ATXN7L1: variants seen among roughly 807,000 people sequenced by gnomAD.
The protein encoded by ATXN7L1 is ataxin 7 like 1.
ATXN7L1 carries 15 observed loss-of-function variants against 70.8 expected under a neutral mutation model. The ratio of observed to expected loss-of-function variants is 0.21; its 90% confidence interval spans 0.14 to 0.33. The LOEUF (loss-of-function observed/expected upper bound fraction) is 0.33, where lower values mean the gene tolerates loss of function less well. Among genes scored for constraint, ATXN7L1 ranks in the 10% least tolerant of loss-of-function variants. The pLI, the probability that ATXN7L1 is intolerant of heterozygous loss-of-function variation, is 1.00. For synonymous variants in ATXN7L1, 440 were observed against 445.1 expected, an observed-to-expected ratio of 0.99 and a Z score of 0.14; for missense variants, 975 against 1,097.1, an observed-to-expected ratio of 0.89 and a Z score of 1.57.
chr7:105,761,203 C>T, intron 3 of ATXN7L1: 1 of 1,429,460 alleles, frequency 7.0e-7, no homozygotes, highest in Non-Finnish European at 9.1e-7. Flanking sequence ...TCTGCTCAAG[C>T]CCATTTCCTT....
chr7:105,658,138 T>C (rs577404050), intron 4 of ATXN7L1, among the ~76,000 whole-genome samples: 1 of 152,202 alleles, frequency 6.6e-6, no homozygotes, highest in South Asian at 2.1e-4. Flanking sequence ...GAGAGGTCAT[T>C]TCGTCATGCT....
At chr7:105,820,285 T>C (rs1422587603) in intron 2 of ATXN7L1, among the ~76,000 whole-genome samples, 1 of 152,154 alleles carries the variant, frequency 6.6e-6, no homozygotes, top group African/African-American at 2.4e-5. Context: ...CAGCAAGTCA[T>C]ATATTGGCTT....
intron 3 of ATXN7L1, among the ~76,000 whole-genome samples, chr7:105,717,150 T>TG (rs1346115878): frequency 2.6e-5 from 4 of 152,168 alleles, no homozygotes; most frequent in Non-Finnish European, 5.9e-5. Flanking sequence ...TTTTTTGAGA[T>TG]GGGGTCTCGC....
chr7:105,651,377 G>T (rs888477509), intron 4 of ATXN7L1, among the ~76,000 whole-genome samples: 17 of 152,186 alleles, frequency 1.1e-4, no homozygotes, highest in Non-Finnish European at 2.9e-5. Context: ...AAACCAAAAG[G>T]GCACAGAGGA....
chr7:105,667,604 C>T (rs111825763), intron 3 of ATXN7L1, among the ~76,000 whole-genome samples: 9 of 113,904 alleles, frequency 7.9e-5, no homozygotes, highest in African/African-American at 2.0e-4. Flanking sequence ...GAGGCTGAGG[C>T]GGGAGAATGG....
intron 2 of ATXN7L1, among the ~76,000 whole-genome samples, chr7:105,828,011 C>A (rs1454914896): frequency 6.6e-6 from 1 of 151,916 alleles, no homozygotes; most frequent in Non-Finnish European, 1.5e-5. Context: ...GGAAAAAAAA[C>A]AACTTTGTTT....
Position 105,685,252 on chromosome 7 carries a change from C to A in ATXN7L1, c.356-19964G>T, listed in dbSNP as rs527500. Among the ~76,000 whole-genome samples the A allele has an allele frequency of 9.3e-3, 1,416 of 152,244 alleles. 23 individuals carry two copies. The highest frequency in any genetic ancestry group is 0.033 in the African/African-American group (1,356 of 41,538). The stretch of plus-strand genomic sequence containing the variant: ...CTCTGAGGTTAGCAGTACCTCCCCT[C>A]TCCAGCGCTATAGCGAAGAGTCAAT... On this transcript the variant is annotated intron_variant, in intron 3 of 11. Coordinates refer to ENST00000419735, the MANE Select transcript of ATXN7L1 (RefSeq NM_020725.2).
intron 3 of ATXN7L1, among the ~76,000 whole-genome samples, chr7:105,689,202 G>C (rs533085480): frequency 1.3e-5 from 2 of 152,318 alleles, no homozygotes; most frequent in East Asian, 1.9e-4. Context: ...GCTCACTGCT[G>C]CTAAGGTGCC....
At chr7:105,754,887 G>A (rs1052304916) in intron 3 of ATXN7L1, among the ~76,000 whole-genome samples, 4 of 152,186 alleles carry the variant, frequency 2.6e-5, no homozygotes, top group Non-Finnish European at 4.4e-5. Context: ...GTGGAATCTG[G>A]CCTGTTTCTT....
At chr7:105,831,466 A>G (rs1473016332) in intron 2 of ATXN7L1, among the ~76,000 whole-genome samples, 3 of 152,208 alleles carry the variant, frequency 2.0e-5, no homozygotes, top group Non-Finnish European at 4.4e-5. Context: ...CATAAGGAAC[A>G]TCTGCTGACA....
chr7:105,823,302 C>T (rs1343103881), intron 2 of ATXN7L1, among the ~76,000 whole-genome samples: 1 of 152,048 alleles, frequency 6.6e-6, no homozygotes, highest in African/African-American at 2.4e-5. Context: ...TTGATGGCTC[C>T]CAGCTCATAC....
chr7:105,792,665 C>A (rs1805423538), intron 2 of ATXN7L1, among the ~76,000 whole-genome samples: 1 of 152,222 alleles, frequency 6.6e-6, no homozygotes, highest in Non-Finnish European at 1.5e-5. Context: ...GAGAGCCAAT[C>A]ATACATGTCG....
chr7:105,725,479 C>T (rs1322263710), intron 3 of ATXN7L1, among the ~76,000 whole-genome samples: 1 of 152,096 alleles, frequency 6.6e-6, no homozygotes, highest in Non-Finnish European at 1.5e-5. Flanking sequence ...GTGTAGTCTA[C>T]AACATTCCCC....
In ATXN7L1 at chr7:105,627,601, G is replaced by A. The variant is rs1056781321; in HGVS notation, c.1203-3334C>T. Among the ~76,000 whole-genome samples, 7 of 150,594 alleles carry A rather than the reference G, an allele frequency of 4.6e-5. No individual in the cohort carries two copies. In the South Asian group the frequency reaches 8.4e-4, roughly 18 times the overall value. ...GGCTGGAGTGCAGTGGTGCGACCTCGGCTCACTGCAACCTCCACCTCCCAG... is the reference window on the plus strand; with the variant it reads ...GGCTGGAGTGCAGTGGTGCGACCTCAGCTCACTGCAACCTCCACCTCCCAG... On this transcript the variant is annotated intron_variant, in intron 7 of 11. Transcript: ENST00000419735.
chr7:105,758,822 A>T (rs1243610199), intron 3 of ATXN7L1, among the ~76,000 whole-genome samples: 1 of 152,232 alleles, frequency 6.6e-6, no homozygotes, highest in Non-Finnish European at 1.5e-5. Context: ...GTATCAGTTC[A>T]TAGGAAACCA....
intron 3 of ATXN7L1, among the ~76,000 whole-genome samples, chr7:105,787,671 A>T (rs952653750): frequency 6.6e-5 from 10 of 152,214 alleles, no homozygotes; most frequent in African/African-American, 1.9e-4. Flanking sequence ...GGAACGTGAG[A>T]AAGGGGAAAT....
intron 3 of ATXN7L1, among the ~76,000 whole-genome samples, chr7:105,671,038 C>T (rs1803510545): frequency 6.8e-6 from 1 of 146,512 alleles, no homozygotes; most frequent in South Asian, 2.1e-4. Flanking sequence ...ACCCGGGAGG[C>T]AGAGCTTGCA....
chr7:105,725,863 G>A (rs1436753575), intron 3 of ATXN7L1, among the ~76,000 whole-genome samples: 1 of 151,420 alleles, frequency 6.6e-6, no homozygotes, highest in African/African-American at 2.4e-5. Context: ...TTACAGGCGT[G>A]AGCCACCACG....
chr7:105,874,934 T>C (rs1245031940), intron 2 of ATXN7L1, among the ~76,000 whole-genome samples: 1 of 152,228 alleles, frequency 6.6e-6, no homozygotes, highest in Non-Finnish European at 1.5e-5. Context: ...TGTCCCCTTG[T>C]GCCATCTTCC....
Sources: gnomAD v4.1 joint callset for allele counts (sites outside exome capture counted in the v4.1 genomes callset) on GRCh38, gnomAD v4.1.1 for gene constraint, MANE v1.5 for transcripts, NCBI Gene and HGNC (gene_info 2026-07-23, HGNC 2026-07-21) for gene names.